Variants in GRK5 observed in about 807,000 individuals in gnomAD.
The protein encoded by GRK5 is g protein-coupled receptor kinase GRK5.
A neutral mutation model predicts 78.4 loss-of-function variants in GRK5; 40 were observed. The observed-to-expected ratio is 0.51, with a 90% CI of 0.40 to 0.66. The LOEUF (loss-of-function observed/expected upper bound fraction) is 0.66. GRK5 is among the 30% of genes least tolerant of loss of function. GRK5 has a pLI of 0.00. For synonymous variants in GRK5, 289 were observed against 296.8 expected, an observed-to-expected ratio of 0.97 and a Z score of 0.27; for missense variants, 598 against 759.9, an observed-to-expected ratio of 0.79 and a Z score of 2.50.
At chr10:119,331,928 C>A (rs893358218) in intron 2 of GRK5, among the ~76,000 whole-genome samples, 1 of 152,146 alleles carries the variant, frequency 6.6e-6, no homozygotes. Context: ...AGCCTGTAGA[C>A]CCCTTATCAG....
At chr10:119,322,756 C>A (rs1470250830) in intron 1 of GRK5, among the ~76,000 whole-genome samples, 5 of 152,086 alleles carry the variant, frequency 3.3e-5, no homozygotes. Flanking sequence ...TCAGTTCCCC[C>A]AAAACTTAAA....
At chr10:119,226,977 G>A (rs1024898017) in intron 1 of GRK5, among the ~76,000 whole-genome samples, 4 of 152,132 alleles carry the variant, frequency 2.6e-5, no homozygotes, top group South Asian at 2.1e-4. Flanking sequence ...TCCTGCCTCC[G>A]CCTCCCAAGT....
intron 2 of GRK5, among the ~76,000 whole-genome samples, chr10:119,341,923 G>A (rs956872519): frequency 2.6e-5 from 4 of 152,178 alleles, no homozygotes; most frequent in African/African-American, 9.7e-5. Context: ...ACGGTTTAGA[G>A]AGAGATTCCT....
intron 8 of GRK5, among the ~76,000 whole-genome samples, chr10:119,433,757 CT>C (rs1188513593): frequency 6.6e-6 from 1 of 152,222 alleles, no homozygotes; most frequent in African/African-American, 2.4e-5. Context: ...TAATTTGCCC[CT>C]CCTGCCCCAC....
At chr10:119,383,153 C>T (rs186371325) in intron 3 of GRK5, among the ~76,000 whole-genome samples, 4 of 152,336 alleles carry the variant, frequency 2.6e-5, no homozygotes, top group South Asian at 4.1e-4. Context: ...GATCTCCTGA[C>T]CTCGTGATCC....
intron 4 of GRK5, among the ~76,000 whole-genome samples, chr10:119,419,189 C>G (rs1020687637): frequency 1.3e-5 from 2 of 152,238 alleles, no homozygotes; most frequent in Admixed American, 6.5e-5. Flanking sequence ...CTTGAAAGAC[C>G]CAGTGGATGG....
chr10:119,415,081 C>CAAAAAAAAAAAAAA (rs762165768), intron 4 of GRK5, among the ~76,000 whole-genome samples: 21 of 75,642 alleles, frequency 2.8e-4, no homozygotes, highest in East Asian at 6.4e-4. Flanking sequence ...GACTCTGTCT[C>CAAAAAAAAAAAAAA]AAAAAAAAAA....
Position 119,243,965 on chromosome 10 carries a change from C to A in GRK5, c.52+35996C>A, listed in dbSNP as rs139215263. Among the ~76,000 whole-genome samples, 7 of 152,332 alleles carry A rather than the reference C, an allele frequency of 4.6e-5. No homozygotes were observed. The East Asian group carries it at 1.4e-3, about 29-fold the overall frequency. On this transcript the variant is annotated intron_variant, in intron 1 of 15. Transcript: ENST00000392870. ...TCTGACCCAGAGGTGTCCTTTCTGT[C>A]ACGTTATGATTGGGGACAAAGTAGA...
chr10:119,395,612 C>T (rs1457832522), intron 3 of GRK5, among the ~76,000 whole-genome samples: 4 of 152,144 alleles, frequency 2.6e-5, no homozygotes, highest in African/African-American at 4.8e-5. Flanking sequence ...GAGAAAGGGC[C>T]GCTTACTCAG....
chr10:119,288,420 G>A (rs1849895051), intron 1 of GRK5, among the ~76,000 whole-genome samples: 1 of 152,184 alleles, frequency 6.6e-6, no homozygotes, highest in Non-Finnish European at 1.5e-5. Flanking sequence ...CAAATAGTAG[G>A]TGCTTAACAA....
chr10:119,394,485 G>C (rs1851983183), intron 3 of GRK5, among the ~76,000 whole-genome samples: 1 of 96,110 alleles, frequency 1.0e-5, no homozygotes, highest in Non-Finnish European at 2.1e-5. Context: ...GTGTGGGTGT[G>C]TGTATCTGCG....
At chr10:119,453,387 G>A (rs752088289) in intron 15 of GRK5, 111 bp downstream of exon 15, 6 of 1,295,640 alleles carry the variant, frequency 4.6e-6, no homozygotes, top group African/African-American at 2.9e-5. Flanking sequence ...TTGGAAGTCT[G>A]GGGCAGTAGC....
At chr10:119,408,006 A>G (rs924931748) in intron 4 of GRK5, among the ~76,000 whole-genome samples, 4 of 152,050 alleles carry the variant, frequency 2.6e-5, no homozygotes, top group Admixed American at 2.6e-4. Context: ...TCTATTAAAA[A>G]TACGAAATTA....
At chr10:119,406,334 G>A (rs1424980137) in intron 4 of GRK5, 1 of 307,210 alleles carries the variant, frequency 3.3e-6, no homozygotes, top group African/African-American at 2.3e-5. Context: ...CACTGGACTG[G>A]GAGTCAGGCT....
rs945457239 is a variant in GRK5, at chr10:119,431,275, G to A, written c.598-112G>A. 1.5e-4 allele frequency: 198 copies of A among 1,300,040 alleles called. No homozygotes were observed. Among genetic ancestry groups the A allele is most frequent in the Admixed American group, 4.5e-4 (19 of 42,014 alleles). 80.5% of individuals were successfully genotyped at this position (1,300,040 alleles called of 1,614,324 possible). On this transcript the variant is annotated intron_variant, in intron 7 of 15. Transcript: ENST00000392870. The surrounding 1 kb of genome is among the most constrained non-coding windows in gnomAD (Gnocchi z 4.8). ...GCACTCATGAAGCCAGGCAGGGCCG[G>A]CTCTGACCCCATCCATTCTCTACCT...
At chr10:119,299,589 G>T (rs1248179045) in intron 1 of GRK5, among the ~76,000 whole-genome samples, 1 of 152,162 alleles carries the variant, frequency 6.6e-6, no homozygotes, top group Non-Finnish European at 1.5e-5. Flanking sequence ...TGGGATGGGG[G>T]AGTTGTCCCT....
intron 4 of GRK5, among the ~76,000 whole-genome samples, chr10:119,407,467 T>C (rs1449169980): frequency 6.6e-6 from 1 of 152,270 alleles, no homozygotes; most frequent in Non-Finnish European, 1.5e-5. Flanking sequence ...GTCTAAATGC[T>C]GAGACATTCG....
chr10:119,316,716 A>G (rs192156328), intron 1 of GRK5, among the ~76,000 whole-genome samples: 1 of 152,154 alleles, frequency 6.6e-6, no homozygotes, highest in African/African-American at 2.4e-5. Context: ...GCTGCCATGG[A>G]TGTGCCACCT....
Position 119,430,337 on chromosome 10 carries a change from GCACCATGAGA to G in GRK5, c.534-36_534-27del. On this transcript the variant is annotated intron_variant, in intron 6 of 15. Transcript: ENST00000392870. The surrounding 1 kb of genome is among the most constrained non-coding windows in gnomAD (Gnocchi z 4.5). ...TGTTTCCTGTGGATTCTGAGTCTTG[GCACCATGAGA>G]CCAGTGTGGGATTCTTCTTTCTTCC... is the stretch of plus-strand genomic sequence containing the variant. 6.3e-7 allele frequency: 1 copy of G among 1,582,170 alleles called. No individual in the cohort carries two copies.
Sources: allele counts gnomAD v4.1 joint callset (sites outside exome capture counted in the v4.1 genomes callset), GRCh38; gene constraint gnomAD v4.1.1; non-coding constraint Gnocchi (gnomAD v3.1); transcripts MANE v1.5; gene names NCBI Gene and HGNC (gene_info 2026-07-23, HGNC 2026-07-21).